MOB3B: variants seen among roughly 807,000 people sequenced by gnomAD.
The protein encoded by MOB3B is MOB kinase activator 3B, also known as MOB kinase activator-like 2B.
Under a neutral mutation model 18.7 loss-of-function variants are expected in MOB3B, and 7 were observed. That is an observed-to-expected ratio of 0.37 (90% CI 0.21 to 0.70). MOB3B has a LOEUF of 0.70. Ranked by LOEUF, MOB3B falls within the 30% of genes least tolerant of loss-of-function variation. The probability of loss-of-function intolerance (pLI) is 0.52; values close to 1 mark genes in which losing one functional copy is unlikely to be tolerated. For missense variants in MOB3B, 253 were observed against 281.3 expected, an observed-to-expected ratio of 0.90 and a Z score of 0.72; for synonymous variants, 111 against 99.9, an observed-to-expected ratio of 1.11 and a Z score of -0.66.
At chr9:27,517,417 C>T (rs757666867) in intron 1 of MOB3B, among the ~76,000 whole-genome samples, 4 of 151,782 alleles carry the variant, frequency 2.6e-5, no homozygotes, top group South Asian at 4.2e-4. Context: ...TTTGGGAGGC[C>T]GAGGTAGATT....
intron 2 of MOB3B, among the ~76,000 whole-genome samples, chr9:27,391,187 G>A (rs1821722864): frequency 6.6e-6 from 1 of 152,218 alleles, no homozygotes; most frequent in Admixed American, 6.5e-5. Flanking sequence ...GAGAGCTTTG[G>A]TTAAATGTAC....
intron 1 of MOB3B, among the ~76,000 whole-genome samples, chr9:27,505,731 C>A (rs1563885392): frequency 6.6e-6 from 1 of 152,200 alleles, no homozygotes; most frequent in Non-Finnish European, 1.5e-5. Context: ...GGTTTCTTCT[C>A]TTGCACCAGC....
intron 2 of MOB3B, among the ~76,000 whole-genome samples, chr9:27,363,570 GT>G (rs1160736478): frequency 0.056 from 8,113 of 144,136 alleles, 744 homozygotes; most frequent in African/African-American, 0.19. Context: ...GCCCGGCTCA[GT>G]TTTTTTTTTT....
intron 2 of MOB3B, among the ~76,000 whole-genome samples, chr9:27,405,103 T>C (rs1821947239): frequency 8.5e-6 from 1 of 117,558 alleles, no homozygotes. Context: ...CTTTTTTTTT[T>C]TTTTTTTTTT....
At chr9:27,518,049 T>C (rs1820265814) in intron 1 of MOB3B, among the ~76,000 whole-genome samples, 1 of 152,156 alleles carries the variant, frequency 6.6e-6, no homozygotes. Context: ...TAAGAAATCC[T>C]TAAATTTGCA....
chr9:27,356,126 A>G (rs1308222287), intron 3 of MOB3B, among the ~76,000 whole-genome samples: 1 of 152,140 alleles, frequency 6.6e-6, no homozygotes, highest in Non-Finnish European at 1.5e-5. Context: ...CTGTTCCTTT[A>G]TAGGGTTTGG....
chr9:27,374,249 A>G (rs561500208), intron 2 of MOB3B, among the ~76,000 whole-genome samples: 109 of 151,748 alleles, frequency 7.2e-4, no homozygotes, highest in African/African-American at 2.5e-3. Flanking sequence ...TGAGAAACTA[A>G]GAGAGGCTGC....
chr9:27,427,561 T>C (rs184023782), intron 2 of MOB3B, among the ~76,000 whole-genome samples: 84 of 152,342 alleles, frequency 5.5e-4, no homozygotes, highest in African/African-American at 2.0e-3. Flanking sequence ...CACTAATAAA[T>C]CTCAGATTTT....
chr9:27,382,980 G>C (rs1821600560), intron 2 of MOB3B, among the ~76,000 whole-genome samples: 1 of 152,168 alleles, frequency 6.6e-6, no homozygotes, highest in African/African-American at 2.4e-5. Flanking sequence ...GGGGAGAGGA[G>C]AATAAATTGA....
intron 3 of MOB3B, among the ~76,000 whole-genome samples, chr9:27,357,148 G>GT (rs55829817): frequency 0.57 from 39,423 of 69,458 alleles, 10,757 homozygotes; most frequent in Middle Eastern, 0.62. Context: ...ATATATATGT[G>GT]TTTTTTTTTT....
intron 1 of MOB3B, among the ~76,000 whole-genome samples, chr9:27,513,759 T>C (rs564888008): frequency 6.6e-6 from 1 of 152,306 alleles, no homozygotes; most frequent in South Asian, 2.1e-4. Context: ...ATAGCACTTA[T>C]AAAGCCTGGT....
chr9:27,463,385 C>G (rs1819323929), intron 1 of MOB3B, among the ~76,000 whole-genome samples: 1 of 152,212 alleles, frequency 6.6e-6, no homozygotes, highest in African/African-American at 2.4e-5. Flanking sequence ...GACTCCAAAC[C>G]TCTTACCACC....
At chr9:27,383,230 G>A (rs1821605037) in intron 2 of MOB3B, among the ~76,000 whole-genome samples, 1 of 152,148 alleles carries the variant, frequency 6.6e-6, no homozygotes, top group Non-Finnish European at 1.5e-5. Context: ...CACCCACAGG[G>A]CTGTCATGGC....
intron 1 of MOB3B, among the ~76,000 whole-genome samples, chr9:27,491,118 C>A (rs73437157): frequency 6.6e-6 from 1 of 151,822 alleles, no homozygotes; most frequent in Admixed American, 6.6e-5. Flanking sequence ...TTCTTCGGAA[C>A]GATGAGATAA....
intron 1 of MOB3B, among the ~76,000 whole-genome samples, chr9:27,511,558 C>T (rs567314961): frequency 4.3e-4 from 65 of 152,248 alleles, no homozygotes; most frequent in Non-Finnish European, 6.6e-4. Context: ...TACCATCCTA[C>T]CAAATAGATT....
At chr9:27,449,263 A>G (rs1822745518) in intron 2 of MOB3B, among the ~76,000 whole-genome samples, 3 of 152,250 alleles carry the variant, frequency 2.0e-5, no homozygotes, top group African/African-American at 4.8e-5. Context: ...CTTTTAAAGC[A>G]CATTTTATTT....
intron 2 of MOB3B, among the ~76,000 whole-genome samples, chr9:27,398,444 G>T (rs748648507): frequency 1.3e-5 from 2 of 152,180 alleles, no homozygotes; most frequent in African/African-American, 4.8e-5. Context: ...ATTCCTACCT[G>T]TAAGGTTGTT....
At chr9:27,479,553 G>A (rs559713972) in intron 1 of MOB3B, among the ~76,000 whole-genome samples, 2 of 152,184 alleles carry the variant, frequency 1.3e-5, no homozygotes, top group South Asian at 4.1e-4. Context: ...ACTTCGATAT[G>A]AAGGAAACTA....
At chr9:27,396,494 C>T (rs1450134643) in intron 2 of MOB3B, among the ~76,000 whole-genome samples, 1 of 152,158 alleles carries the variant, frequency 6.6e-6, no homozygotes, top group Admixed American at 6.6e-5. Flanking sequence ...TAGTCAGAGT[C>T]AGTTTCTGTT....
Sources: gnomAD v4.1 joint callset for allele counts (sites outside exome capture counted in the v4.1 genomes callset) on GRCh38, gnomAD v4.1.1 for gene constraint, MANE v1.5 for transcripts, NCBI Gene and HGNC (gene_info 2026-07-23, HGNC 2026-07-21) for gene names.